LARGE1: variants seen among roughly 807,000 people sequenced by gnomAD.
LARGE1 encodes the protein xylosyl- and glucuronyltransferase LARGE1.
In LARGE1, 43 loss-of-function variants were observed where a neutral mutation model predicts 87.6. The ratio of observed to expected loss-of-function variants is 0.49; its 90% CI spans 0.38 to 0.63. The LOEUF (loss-of-function observed/expected upper bound fraction) is 0.63. LARGE1 is among the 30% of genes least tolerant of loss of function. LARGE1 has a pLI of 0.00. For synonymous variants in LARGE1, 434 were observed against 394.6 expected, an observed-to-expected ratio of 1.10 and a Z score of -1.18; for missense variants, 802 against 1,000.2, an observed-to-expected ratio of 0.80 and a Z score of 2.67.
At chr22:33,594,180 C>A (rs531998073) in intron 5 of LARGE1, among the ~76,000 whole-genome samples, 2 of 152,140 alleles carry the variant, frequency 1.3e-5, no homozygotes, top group Non-Finnish European at 2.9e-5. Flanking sequence ...CCTTAGTTGT[C>A]GAGGCTCCTT....
the LARGE1 span, among the ~76,000 whole-genome samples, chr22:33,148,516 C>T: frequency 6.6e-6 from 1 of 152,170 alleles, no homozygotes; most frequent in African/African-American, 2.4e-5. Flanking sequence ...GGGGCTATAA[C>T]AAATAAAACT....
chr22:33,401,455 C>T (rs2065923445), intron 7 of LARGE1, among the ~76,000 whole-genome samples: 1 of 152,084 alleles, frequency 6.6e-6, no homozygotes, highest in East Asian at 1.9e-4. Flanking sequence ...TGAGGAGAGG[C>T]CAGCCCATTA....
In LARGE1 at chr22:33,768,436, T is replaced by TCACACACA. The variant is rs71969164; in HGVS notation, c.-82-6886_-82-6879dup. 1.1e-3 allele frequency among the ~76,000 whole-genome samples: 167 copies of TCACACACA among 147,564 alleles called. 2 individuals carry two copies. Among genetic ancestry groups the TCACACACA allele is most frequent in the African/African-American group, 3.9e-3 (154 of 39,746 alleles). ...CCAAGCCACAATCCAACGCGCGCGC[T>TCACACACA]CACACACACACACACACACACACAC... On this transcript the variant is annotated intron_variant, in intron 1 of 14. Transcript: ENST00000397394.
chr22:33,334,360 G>A (rs1601490017), intron 10 of LARGE1, among the ~76,000 whole-genome samples: 4 of 145,236 alleles, frequency 2.8e-5, no homozygotes, highest in South Asian at 2.2e-4. Context: ...ACAGTGAGCT[G>A]AGATCGCGCC....
the LARGE1 span, among the ~76,000 whole-genome samples, chr22:33,120,390 CTTT>C: frequency 4.2e-5 from 4 of 94,588 alleles, no homozygotes; most frequent in African/African-American, 2.6e-4. Flanking sequence ...TTCTTTCTTT[CTTT>C]CTTTCTTTCT....
chr22:33,805,949 A>G (rs2086295480), intron 1 of LARGE1, among the ~76,000 whole-genome samples: 1 of 152,156 alleles, frequency 6.6e-6, no homozygotes, highest in African/African-American at 2.4e-5. Context: ...TGACATTCAC[A>G]TAAAATAAAA....
chr22:33,612,588 C>A (rs1247166782), intron 4 of LARGE1, among the ~76,000 whole-genome samples: 2 of 152,150 alleles, frequency 1.3e-5, no homozygotes, highest in Admixed American at 1.3e-4. Flanking sequence ...CAGAGCAGGT[C>A]TGTGAAAGAA....
the LARGE1 span, among the ~76,000 whole-genome samples, chr22:33,124,472 T>A: frequency 6.6e-6 from 1 of 152,150 alleles, no homozygotes; most frequent in African/African-American, 2.4e-5. Context: ...TATTACAGTC[T>A]TAGTGTTACT....
intron 3 of LARGE1, among the ~76,000 whole-genome samples, chr22:33,649,644 T>G (rs879816735): frequency 2.6e-5 from 4 of 152,210 alleles, no homozygotes; most frequent in Non-Finnish European, 4.4e-5. Flanking sequence ...AAAGCTGGGA[T>G]ATGAATTCAG....
chr22:33,217,413 A>C (rs973958985), intron 11 of LARGE1, among the ~76,000 whole-genome samples: 1 of 152,184 alleles, frequency 6.6e-6, no homozygotes, highest in Non-Finnish European at 1.5e-5. Context: ...ATTTTAGTGC[A>C]CACTAAAGTT....
At chr22:33,530,185 CAA>C (rs1487668623) in intron 6 of LARGE1, among the ~76,000 whole-genome samples, 1 of 152,152 alleles carries the variant, frequency 6.6e-6, no homozygotes, top group Non-Finnish European at 1.5e-5. Flanking sequence ...ACTCTGAAGA[CAA>C]GACACCTGGA....
At chr22:33,399,218 C>A (rs536410964) in intron 7 of LARGE1, among the ~76,000 whole-genome samples, 1 of 151,750 alleles carries the variant, frequency 6.6e-6, no homozygotes, top group Non-Finnish European at 1.5e-5. Flanking sequence ...CTCTCACTTA[C>A]GAGTGAGAAC....
chr22:33,713,535 C>T (rs560638464), intron 2 of LARGE1, among the ~76,000 whole-genome samples: 1 of 152,190 alleles, frequency 6.6e-6, no homozygotes, highest in East Asian at 1.9e-4. Flanking sequence ...ACCAGGTTGG[C>T]ACTCTTAATT....
chr22:33,752,715 CAAG>C (rs967098925), intron 2 of LARGE1, among the ~76,000 whole-genome samples: 2 of 152,136 alleles, frequency 1.3e-5, no homozygotes, highest in African/African-American at 4.8e-5. Context: ...CCATAAAGGA[CAAG>C]AAGAGGATGG....
intron 6 of LARGE1, among the ~76,000 whole-genome samples, chr22:33,446,763 G>A (rs575957748): frequency 6.6e-6 from 1 of 152,324 alleles, no homozygotes; most frequent in Admixed American, 6.5e-5. Context: ...GAAGGGAACA[G>A]GCGGGCAGGA....
chr22:33,430,390 C>T (rs1335393367), intron 7 of LARGE1, among the ~76,000 whole-genome samples: 3 of 152,192 alleles, frequency 2.0e-5, no homozygotes, highest in African/African-American at 7.2e-5. Flanking sequence ...AAGAGAACCA[C>T]TGCTCTGATG....
rs549239993 is a variant in LARGE1 at position 33,451,846 on chromosome 22, C to T, written c.788-19581G>A. ...TGTTGGGATTACAGGCGTGAGCCACCGCCCCCGGCCGGGAGTCTCTCATTC... is the reference window on the plus strand; with the variant it reads ...TGTTGGGATTACAGGCGTGAGCCACTGCCCCCGGCCGGGAGTCTCTCATTC... On this transcript the variant is annotated intron_variant, in intron 6 of 14. Coordinates refer to ENST00000397394, the MANE Select transcript of LARGE1 (RefSeq NM_133642.5). Among the ~76,000 whole-genome samples the T allele has an allele frequency of 1.3e-4, 20 of 151,732 alleles. No individual in the cohort carries two copies. The South Asian group carries it at 2.9e-3, about 22-fold the overall frequency.
chr22:33,259,319 A>AACAC (rs3071499), intron 11 of LARGE1, among the ~76,000 whole-genome samples: 46 of 145,296 alleles, frequency 3.2e-4, no homozygotes, highest in East Asian at 8.0e-4. Flanking sequence ...TCCAAAGGGC[A>AACAC]ACACACACAC....
rs529294695 is a variant in LARGE1, at chr22:33,748,171, C to G, written c.106+13200G>C. On this transcript the variant is annotated intron_variant, in intron 2 of 14. Coordinates refer to ENST00000397394, the MANE Select transcript of LARGE1 (RefSeq NM_133642.5). ...TTTTTTAGACAGAGTCTCAGTCTGT[C>G]GCCAGGCTGAGGTGCAGTGGCATGA... is the stretch of plus-strand genomic sequence containing the variant. Among the ~76,000 whole-genome samples the G allele has an allele frequency of 3.6e-5, 5 of 140,548 alleles. No homozygotes were observed. In the South Asian group the frequency reaches 9.1e-4, roughly 26 times the overall value. 92.2% of individuals were successfully genotyped at this position (140,548 alleles called of 152,430 possible). A position where few individuals can be genotyped will look rare whatever the true frequency, so the allele number is the denominator to read the frequency against.
Sources: gnomAD v4.1 joint callset for allele counts (sites outside exome capture counted in the v4.1 genomes callset) on GRCh38, gnomAD v4.1.1 for gene constraint, MANE v1.5 for transcripts, NCBI Gene and HGNC (gene_info 2026-07-23, HGNC 2026-07-21) for gene names.